PITHD1: variants seen among roughly 807,000 people sequenced by gnomAD.
The protein encoded by PITHD1 is PITH domain-containing protein 1.
A neutral mutation model predicts 27.5 loss-of-function variants in PITHD1; 8 were observed. The observed-to-expected ratio is 0.29, with a 90% CI of 0.17 to 0.52. The LOEUF is 0.52. Among genes scored for constraint, PITHD1 ranks in the 20% least tolerant of loss-of-function variants. PITHD1 has a pLI of 0.96. For synonymous variants in PITHD1, 118 were observed against 106.8 expected (o/e 1.10, Z -0.64); for missense variants, 233 against 283.9 (o/e 0.82, Z 1.29).
At chr1:23,782,429 A>G (rs1211039498) in intron 3 of PITHD1, among the ~76,000 whole-genome samples, 1 of 151,726 alleles carries the variant, frequency 6.6e-6, no homozygotes, top group Non-Finnish European at 1.5e-5. Context: ...AAAAGAAAAA[A>G]AAAAAAGAAT....
At chr1:23,779,644 C>G (rs1638566481) in intron 2 of PITHD1, 163 bp downstream of exon 2, 2 of 677,580 alleles carry the variant, frequency 3.0e-6, no homozygotes, top group Admixed American at 5.1e-5. Context: ...TTGGTGCAGA[C>G]TGGAAACAGA....
chr1:23,779,361 G>A, intron 1 of PITHD1, 77 bp from the exon 2 acceptor site: 2 of 1,094,952 alleles, frequency 1.8e-6, no homozygotes, highest in Non-Finnish European at 2.8e-6. Flanking sequence ...TTGTAGAGCA[G>A]GGTGGGAGAT....
chr1:23,782,736 G>T (rs990913271), intron 3 of PITHD1, among the ~76,000 whole-genome samples: 3 of 151,854 alleles, frequency 2.0e-5, no homozygotes, highest in African/African-American at 7.3e-5. Flanking sequence ...CAAGCAGCTG[G>T]GAATACAGAC....
chr1:23,778,560 C>T lies in PITHD1; in HGVS notation c.45C>T (p.Ala15=). 3 of 1,341,700 alleles carry T rather than the reference C, an allele frequency of 2.2e-6. No homozygotes were observed. Among genetic ancestry groups the T allele is most frequent in the South Asian group, 1.9e-5 (1 of 52,784 alleles). 83.1% of individuals were successfully genotyped at this position (1,341,700 alleles called of 1,614,324 possible). The change falls in exon 1 of 6, where the codon GCC becomes GCT. Residue 15 remains alanine, a synonymous_variant. Transcript: ENST00000246151. ...HSHGGGGCRC[A]AEREEPPEQR... is the part of the protein sequence containing the mutation. ...ACGGCGGGGGTGGCTGCCGCTGCGC[C>T]GCCGAACGGGAGGAGCCGCCCGAGC... is the stretch of plus-strand genomic sequence containing the variant.
intron 3 of PITHD1, among the ~76,000 whole-genome samples, chr1:23,780,444 T>G (rs531680480): frequency 6.6e-6 from 1 of 152,292 alleles, no homozygotes; most frequent in South Asian, 2.1e-4. Context: ...CTAGTACCCT[T>G]TTTGACAACT....
chr1:23,787,053 A>G (rs188151281), intron 5 of PITHD1, among the ~76,000 whole-genome samples: 8 of 152,306 alleles, frequency 5.3e-5, no homozygotes, highest in Admixed American at 3.9e-4. Context: ...TGAATCTTCA[A>G]AGTTACAGGG....
chr1:23,783,408 C>T (rs202156571), intron 3 of PITHD1, among the ~76,000 whole-genome samples: 62 of 87,620 alleles, frequency 7.1e-4, no homozygotes, highest in Admixed American at 1.2e-3. Context: ...CGCATATATA[C>T]ACATATATAT....
intron 3 of PITHD1, among the ~76,000 whole-genome samples, 180 bp from the exon 4 acceptor site, chr1:23,785,492 CAAA>C (rs559942160): frequency 1.3e-4 from 8 of 59,906 alleles, no homozygotes; most frequent in Non-Finnish European, 1.1e-4. Flanking sequence ...GACTCTGTCT[CAAA>C]AAAAAAAAAA....
chr1:23,778,506 C>A lies in PITHD1; in HGVS notation c.-10C>A, dbSNP rs924864082. On this transcript the variant is annotated 5_prime_UTR_variant, in exon 1 of 6. Coordinates refer to ENST00000246151, the MANE Select transcript of PITHD1 (RefSeq NM_020362.5). ...TGGGGCCGAGAGGACGCGCAGGTGG[C>A]GGCGTTGCCATGTCGCACGGTCACA... 3.0e-6 allele frequency: 4 copies of A among 1,346,862 alleles called. No homozygotes were observed. In the African/African-American group the frequency reaches 4.6e-5, roughly 15 times the overall value. 83.4% of individuals were successfully genotyped at this position (1,346,862 alleles called of 1,614,324 possible).
rs1480339026 is a variant in PITHD1 at position 23,779,870 on chromosome 1, G to A, written c.249G>A (p.Thr83=). 1.2e-6 allele frequency: 2 copies of A among 1,612,456 alleles called. No homozygotes were observed. Among genetic ancestry groups the A allele is most frequent in the Admixed American group, 1.7e-5 (1 of 59,996 alleles). Residue 83 remains threonine (T), a synonymous_variant, in exon 3 of 6, where the codon ACG becomes ACA. Transcript: ENST00000246151. ...DEELLFNIPF[T]GNVKLKGIII... ...CTCTTTTGCATTCTGGCAGATTTAC[G>A]GGCAATGTCAAGCTCAAAGGCATCA...
intron 4 of PITHD1, 109 bp from the exon 5 acceptor site, chr1:23,786,206 A>T (rs2473381): frequency 5.3e-6 from 3 of 562,700 alleles, no homozygotes; most frequent in Non-Finnish European, 9.9e-6. Flanking sequence ...AGGAGCTCTG[A>T]CTTTGCCTGG....
At chr1:23,785,222 G>T in intron 3 of PITHD1, 1 of 155,428 alleles carries the variant, frequency 6.4e-6, no homozygotes, top group Admixed American at 6.3e-5. Context: ...GCTAGACGCG[G>T]TGGCTCATGC....
chr1:23,778,665 C>T lies in PITHD1; in HGVS notation c.150C>T (p.Ser50=), dbSNP rs1381663217. 6 of 1,320,932 alleles carry T rather than the reference C, an allele frequency of 4.5e-6. No individual in the cohort carries two copies. Among genetic ancestry groups the T allele is most frequent in the Non-Finnish European group, 2.9e-6 (3 of 1,036,248 alleles). The allele number at this position is 1,320,932 out of a possible 1,614,324, so 81.8% of individuals were successfully genotyped here. A position where few individuals can be genotyped will look rare whatever the true frequency, so the allele number is the denominator to read the frequency against. ...LQCLNESREG[S]GRGVFKPWEE... ...GCCTTAACGAGAGCCGCGAGGGCAG[C>T]GGCCGCGGCGTCTTCAAGCCGTGGG... The change falls in exon 1 of 6, where the codon AGC becomes AGT. Residue 50 remains serine, a synonymous_variant. Transcript: ENST00000246151.
At position 23,786,303 on chromosome 1, in the gene PITHD1, G is replaced by A. The variant is rs1638681334; in HGVS notation, c.426-12G>A. The A allele has an allele frequency of 8.0e-7, 1 of 1,243,128 alleles. No homozygotes were observed. Among genetic ancestry groups the A allele is most frequent in the South Asian group, 1.3e-5 (1 of 78,960 alleles). 77.0% of individuals were successfully genotyped at this position (1,243,128 alleles called of 1,614,324 possible). ...ATTCATACCTTCTTTCCCTATTCCT[G>A]TCATCCTCTAGAATTTCTCGTTTTT... On this transcript the variant is annotated splice_polypyrimidine_tract_variant and intron_variant, in intron 4 of 5. Transcript: ENST00000246151.
intron 4 of PITHD1, among the ~76,000 whole-genome samples, chr1:23,785,982 A>T (rs1431627497): frequency 2.0e-5 from 3 of 152,112 alleles, no homozygotes; most frequent in Non-Finnish European, 2.9e-5. Context: ...ATCTGAATGA[A>T]CTCCTAGGGT....
chr1:23,786,207 C>T (rs143997709), intron 4 of PITHD1, 108 bp from the exon 5 acceptor site: 97 of 560,680 alleles, frequency 1.7e-4, no homozygotes, highest in African/African-American at 1.7e-3. Context: ...GGAGCTCTGA[C>T]TTTGCCTGGC....
intron 4 of PITHD1, 107 bp downstream of exon 4, chr1:23,785,886 G>A (rs373947285): frequency 9.1e-5 from 59 of 647,890 alleles, no homozygotes; most frequent in East Asian, 7.5e-4. Context: ...TTAAAACAGT[G>A]GAGGAGACTT....
chr1:23,785,631 T>G lies in PITHD1; in HGVS notation c.321-44T>G, dbSNP rs200058792. 2.4e-6 allele frequency: 3 copies of G among 1,271,428 alleles called. No homozygotes were observed. In the East Asian group the frequency reaches 7.0e-5, roughly 30 times the overall value. 78.8% of individuals were successfully genotyped at this position (1,271,428 alleles called of 1,614,324 possible). ...TAGAAAATTTTGAAAACCTGAAACG[T>G]GATAATGCACATTTCTTGACTTTTC... On this transcript the variant is annotated intron_variant, in intron 3 of 5. Coordinates refer to ENST00000246151, the MANE Select transcript of PITHD1 (RefSeq NM_020362.5).
At chr1:23,781,525 A>T (rs1261152542) in intron 3 of PITHD1, among the ~76,000 whole-genome samples, 1 of 152,128 alleles carries the variant, frequency 6.6e-6, no homozygotes, top group African/African-American at 2.4e-5. Context: ...TTTAAGATAT[A>T]TTATAGTTGA....
Sources: gnomAD v4.1 joint callset for allele counts (sites outside exome capture counted in the v4.1 genomes callset) on GRCh38, gnomAD v4.1.1 for gene constraint, MANE v1.5 for transcripts, NCBI Gene and HGNC (gene_info 2026-07-23, HGNC 2026-07-21) for gene names.